Variants in POU2F2 observed in about 807,000 individuals in gnomAD.
POU2F2 encodes POU domain, class 2, transcription factor 2.
A neutral mutation model predicts 63.5 loss-of-function variants in POU2F2; 14 were observed. The ratio of observed to expected loss-of-function variants is 0.22; its 90% CI spans 0.15 to 0.34. POU2F2 has a LOEUF of 0.34. Among genes scored for constraint, POU2F2 ranks in the 10% least tolerant of loss-of-function variants. The probability of loss-of-function intolerance (pLI) is 1.00; values close to 1 mark genes in which losing one functional copy is unlikely to be tolerated. For synonymous variants in POU2F2, 306 were observed against 348.6 expected (o/e 0.88, Z 1.36); for missense variants, 607 against 815.2 (o/e 0.74, Z 3.11).
chr19:42,124,213 A>C (rs1009117216), intron 1 of POU2F2, among the ~76,000 whole-genome samples: 3 of 151,394 alleles, frequency 2.0e-5, no homozygotes, highest in African/African-American at 7.3e-5. Context: ...CTGAGGCAGG[A>C]GAATCGCTTG....
intron 2 of POU2F2, chr19:42,157,488 A>T (rs2034478948): frequency 6.6e-6 from 1 of 152,176 alleles, no homozygotes; most frequent in South Asian, 2.1e-4. Flanking sequence ...ATCCCAGAAA[A>T]TGTTGGCTGA....
intron 1 of POU2F2, among the ~76,000 whole-genome samples, chr19:42,188,026 T>C (rs1314947848): frequency 2.0e-5 from 3 of 152,000 alleles, no homozygotes; most frequent in Non-Finnish European, 4.4e-5. Flanking sequence ...TTCTCATGAA[T>C]AGAATGTGGC....
intron 5 of POU2F2, 58 bp from the exon 6 acceptor site, chr19:42,099,879 C>T: frequency 7.2e-7 from 1 of 1,383,100 alleles, no homozygotes; most frequent in East Asian, 2.5e-5. Context: ...GTTTCATCCT[C>T]TCTGCATCAC....
chr19:42,097,944 T>C lies in POU2F2; in HGVS notation c.567+1583A>G, dbSNP rs117134900. ...GTACCCATTAAGTAATTTCTCATCA[T>C]CCACCCACTCTCACCCCTCTCAGGT... On this transcript the variant is annotated intron_variant, in intron 7 of 14. Coordinates refer to ENST00000692977, the MANE Select transcript of POU2F2 (RefSeq NM_001394376.1). 7.6e-3 allele frequency among the ~76,000 whole-genome samples: 1,156 copies of C among 152,344 alleles called. 9 individuals are homozygous for C. The highest frequency in any genetic ancestry group is 0.01 in the Non-Finnish European group (707 of 68,024).
intron 1 of POU2F2, among the ~76,000 whole-genome samples, chr19:42,195,075 A>AAGGAAGGG (rs1298710356): frequency 1.2e-3 from 4 of 3,324 alleles, no homozygotes; most frequent in African/African-American, 5.6e-3. Context: ...GGGAGGAAGG[A>AAGGAAGGG]AGGGAGGGAG....
rs1568423039 is a variant in POU2F2 at position 42,171,433 on chromosome 19, TG to T, written c.-70+4529del. 9.1e-3 allele frequency among the ~76,000 whole-genome samples: 887 copies of T among 97,762 alleles called. 14 individuals are homozygous for T. Among genetic ancestry groups the T allele is most frequent in the African/African-American group, 0.026 (817 of 32,036 alleles). The allele number at this position is 97,762 out of a possible 152,430, so 64.1% of individuals were successfully genotyped here. On this transcript the variant is annotated intron_variant, in intron 1 of 6. Transcript: ENST00000524801. ...ATGGAATGTCAGGGGCTGCGCTTCGTGTGTGTGTGTGTGTGTGTGTGTGTGT... is the reference window on the plus strand; with the variant it reads ...ATGGAATGTCAGGGGCTGCGCTTCGTTGTGTGTGTGTGTGTGTGTGTGTGT...
intron 2 of POU2F2, among the ~76,000 whole-genome samples, chr19:42,144,780 G>C (rs912926726): frequency 4.6e-5 from 7 of 152,340 alleles, no homozygotes; most frequent in Non-Finnish European, 8.8e-5. Flanking sequence ...ACCCCAAGGC[G>C]GGTCAGAGAG....
intron 1 of POU2F2, among the ~76,000 whole-genome samples, chr19:42,196,182 G>T (rs2035143750): frequency 6.6e-6 from 1 of 152,080 alleles, no homozygotes; most frequent in Non-Finnish European, 1.5e-5. Flanking sequence ...CATCACAGGT[G>T]CCCTCCAGAG....
chr19:42,142,914 A>G (rs1259381604), intron 2 of POU2F2, among the ~76,000 whole-genome samples: 1 of 152,188 alleles, frequency 6.6e-6, no homozygotes, highest in Non-Finnish European at 1.5e-5. Flanking sequence ...ATACACATGC[A>G]GAAAATCAAA....
Position 42,092,135 on chromosome 19 carries a change from C to T in POU2F2, c.1400G>A (p.Ser467Asn). Residue 467 changes from serine to asparagine, a missense_variant, in exon 13 of 15, where the codon AGC becomes AAC. Around this residue, in one of 7 missense-constraint regions of POU2F2, gnomAD observed 270 missense variants for 307.5 expected, o/e 0.88. Transcript: ENST00000692977. The surrounding 1 kb of genome is among the most constrained non-coding windows in gnomAD (Gnocchi z 5.0). ...VTPPPPATTN[S>N]TNPSPQGSHS... is the part of the protein sequence containing the mutation. ...GCTGCCTTGAGGGCTGGGGTTTGTG[C>T]TGTTGGTGGTGGCCGGGGGTGGGGG... The T allele has an allele frequency of 6.5e-7, 1 of 1,546,338 alleles. No individual in the cohort carries two copies. Among genetic ancestry groups the T allele is most frequent in the Non-Finnish European group, 8.7e-7 (1 of 1,145,134 alleles).
chr19:42,194,997 G>A (rs1387870293), intron 1 of POU2F2, among the ~76,000 whole-genome samples: 3 of 113,408 alleles, frequency 2.6e-5, no homozygotes, highest in African/African-American at 1.1e-4. Context: ...GAGGGAGGGA[G>A]GAAGGGAGGG....
At chr19:42,185,219 C>T (rs113328316) in intron 1 of POU2F2, among the ~76,000 whole-genome samples, 5 of 152,176 alleles carry the variant, frequency 3.3e-5, no homozygotes, top group African/African-American at 1.2e-4. Context: ...TCAAATCCAT[C>T]TCCTCCTCTC....
At chr19:42,192,061 C>T (rs2035080590) in intron 1 of POU2F2, among the ~76,000 whole-genome samples, 1 of 152,180 alleles carries the variant, frequency 6.6e-6, no homozygotes, top group South Asian at 2.1e-4. Flanking sequence ...GTATGTTACA[C>T]TTCCTGGTAA....
chr19:42,183,436 A>AGGAGGGGACTGACAGCAAAGGCGCC (rs1396249135), intron 1 of POU2F2, among the ~76,000 whole-genome samples: 1 of 152,182 alleles, frequency 6.6e-6, no homozygotes, highest in Non-Finnish European at 1.5e-5. Context: ...CTGCAGTGGA[A>AGGAGGGGACTGACAGCAAAGGCGCC]GGAGGGGACT....
At chr19:42,176,718 C>CA (rs1190206154), upstream of POU2F2, among the ~76,000 whole-genome samples, 1 of 150,818 alleles carries the variant, frequency 6.6e-6, no homozygotes, top group East Asian at 2.0e-4. Context: ...GCAAGCTGAC[C>CA]CCCCCCATCC....
chr19:42,168,603 T>A (rs1699190079), intron 1 of POU2F2, among the ~76,000 whole-genome samples: 1 of 152,162 alleles, frequency 6.6e-6, no homozygotes, highest in Admixed American at 6.5e-5. Flanking sequence ...CCAGAATGCT[T>A]TGTGCACCTC....
rs114590189 is a variant in POU2F2 at position 42,152,863 on chromosome 19, G to A, written c.-9+7469C>T. 9.4e-3 allele frequency among the ~76,000 whole-genome samples: 1,429 copies of A among 152,312 alleles called. 22 individuals carry two copies. The highest frequency in any genetic ancestry group is 0.033 in the African/African-American group (1,358 of 41,550). ...ATGGGGCCCTTTGAAGGTGTGTGAC[G>A]GACAGAGCTCTGGGAGGTGGGCAGG... On this transcript the variant is annotated intron_variant, in intron 2 of 6. Coordinates refer to the POU2F2 transcript ENST00000524801. The surrounding 1 kb of genome is among the most constrained non-coding windows in gnomAD (Gnocchi z 4.1).
chr19:42,121,108 T>C (rs1600115404), intron 4 of POU2F2, among the ~76,000 whole-genome samples: 2 of 152,062 alleles, frequency 1.3e-5, no homozygotes, highest in South Asian at 4.1e-4. Flanking sequence ...TGCTGCCAGT[T>C]TGAGAACAGA....
At chr19:42,125,781 G>A (rs1017770496) in intron 1 of POU2F2, among the ~76,000 whole-genome samples, 22 of 152,266 alleles carry the variant, frequency 1.4e-4, no homozygotes, top group Admixed American at 4.6e-4. Context: ...TCCAGGGGCT[G>A]GCCCACCACC....
Sources: allele counts gnomAD v4.1 joint callset (sites outside exome capture counted in the v4.1 genomes callset), GRCh38; gene constraint gnomAD v4.1.1; regional missense constraint gnomAD v4.1.1; non-coding constraint Gnocchi (gnomAD v3.1); transcripts MANE v1.5; gene names NCBI Gene and HGNC (gene_info 2026-07-23, HGNC 2026-07-21).